NMNAT2: variants seen among roughly 807,000 people sequenced by gnomAD.
NMNAT2 encodes the protein nicotinamide nucleotide adenylyltransferase 2.
NMNAT2 carries 11 observed loss-of-function variants against 41.6 expected under a neutral mutation model. The ratio of observed to expected loss-of-function variants is 0.26; its 90% CI spans 0.17 to 0.44. The LOEUF (loss-of-function observed/expected upper bound fraction) is 0.44. Ranked by LOEUF, NMNAT2 falls within the 20% of genes least tolerant of loss-of-function variation. The pLI is 1.00. For synonymous variants in NMNAT2, 148 were observed against 151.2 expected (o/e 0.98, Z 0.16); for missense variants, 288 against 407.7 (o/e 0.71, Z 2.53).
intron 8 of NMNAT2, among the ~76,000 whole-genome samples, chr1:183,277,450 G>T (rs1281858612): frequency 6.8e-6 from 1 of 147,220 alleles, no homozygotes; most frequent in Admixed American, 6.8e-5. Flanking sequence ...GGAAGGCAGA[G>T]GTTGCAGTGA....
chr1:183,413,877 G>A (rs1191511771), intron 1 of NMNAT2, among the ~76,000 whole-genome samples: 1 of 152,092 alleles, frequency 6.6e-6, no homozygotes, highest in Admixed American at 6.5e-5. Context: ...AAAGTGCTGG[G>A]ATTACAGGCA....
chr1:183,377,668 T>A (rs1309848390), intron 1 of NMNAT2, among the ~76,000 whole-genome samples: 1 of 152,156 alleles, frequency 6.6e-6, no homozygotes, highest in Admixed American at 6.5e-5. Context: ...AATATTCTCC[T>A]CATTATCTAC....
At chr1:183,292,108 C>T (rs1557868682) in intron 3 of NMNAT2, among the ~76,000 whole-genome samples, 1 of 152,254 alleles carries the variant, frequency 6.6e-6, no homozygotes, top group South Asian at 2.1e-4. Context: ...GCACAAATGG[C>T]ATGCCATTAT....
At position 183,249,108 on chromosome 1, in the gene NMNAT2, G is replaced by A. The variant is rs1660305480; in HGVS notation, c.*3533C>T. 6.6e-6 allele frequency: 1 copy of A among 152,160 alleles called. No homozygotes were observed. The highest frequency in any genetic ancestry group is 2.4e-5 in the African/African-American group (1 of 41,436). The allele number at this position is 152,160 out of a possible 1,614,324, so 9.4% of individuals were successfully genotyped here. A position where few individuals can be genotyped will look rare whatever the true frequency, so the allele number is the denominator to read the frequency against. ...TTGAAACTAGAGAACATTGTTGAAA[G>A]GCTGGCCAAGCTGAGACAGGAAGAA... On this transcript the variant is annotated 3_prime_UTR_variant, in exon 11 of 11. Coordinates refer to ENST00000287713, the MANE Select transcript of NMNAT2 (RefSeq NM_015039.4).
At chr1:183,265,411 C>A (rs775103120) in intron 8 of NMNAT2, among the ~76,000 whole-genome samples, 1 of 151,872 alleles carries the variant, frequency 6.6e-6, no homozygotes, top group Non-Finnish European at 1.5e-5. Context: ...GGATTACAGG[C>A]ATGCGCCACC....
chr1:183,367,689 T>C (rs929227934), intron 1 of NMNAT2, among the ~76,000 whole-genome samples: 9 of 152,222 alleles, frequency 5.9e-5, no homozygotes, highest in African/African-American at 2.2e-4. Flanking sequence ...GTAAAAAGAT[T>C]TGGGGCACAA....
intron 8 of NMNAT2, among the ~76,000 whole-genome samples, chr1:183,278,308 A>G (rs1273593954): frequency 6.6e-6 from 1 of 152,178 alleles, no homozygotes; most frequent in Non-Finnish European, 1.5e-5. Flanking sequence ...TTGGTGCTAG[A>G]TACTGTATGA....
Position 183,339,014 on chromosome 1 carries a change from G to A in NMNAT2, c.86-45221C>T, listed in dbSNP as rs569505202. Among the ~76,000 whole-genome samples the A allele has an allele frequency of 5.9e-5, 9 of 152,268 alleles. No individual in the cohort carries two copies. In the South Asian group the frequency reaches 1.7e-3, roughly 28 times the overall value. On this transcript the variant is annotated intron_variant, in intron 1 of 10. Transcript: ENST00000287713. ...CTGATTTCACAGGGTCCTGCCAGGC[G>A]ACCCTGCCCAAGGGCTCCCTTAGGG...
intron 1 of NMNAT2, among the ~76,000 whole-genome samples, chr1:183,320,749 C>T (rs980896846): frequency 1.3e-5 from 2 of 152,220 alleles, no homozygotes; most frequent in Admixed American, 1.3e-4. Context: ...CTAAAGTCAT[C>T]TGTCCTAACC....
At chr1:183,382,632 G>A (rs1224265977) in intron 1 of NMNAT2, among the ~76,000 whole-genome samples, 4 of 152,142 alleles carry the variant, frequency 2.6e-5, no homozygotes, top group African/African-American at 7.2e-5. Context: ...TTCCAAAAAG[G>A]AGAAATCATC....
intron 1 of NMNAT2, among the ~76,000 whole-genome samples, chr1:183,399,761 C>A (rs563508860): frequency 1.3e-5 from 2 of 152,124 alleles, no homozygotes; most frequent in Admixed American, 1.3e-4. Flanking sequence ...GCTCAACATA[C>A]GCAAATCAAT....
At chr1:183,392,097 G>T (rs1429339824) in intron 1 of NMNAT2, among the ~76,000 whole-genome samples, 2 of 151,824 alleles carry the variant, frequency 1.3e-5, no homozygotes, top group East Asian at 3.9e-4. Flanking sequence ...TTTATTTTTG[G>T]CTCAGGCTGA....
Position 183,284,025 on chromosome 1 carries a change from G to C in NMNAT2, c.544C>G (p.Leu182Val). The C allele has an allele frequency of 6.2e-7, 1 of 1,613,272 alleles. No homozygotes were observed. The highest frequency in any genetic ancestry group is 1.3e-5 in the African/African-American group (1 of 75,006). The change falls in exon 7 of 11, where the codon CTG becomes GTG. Residue 182 changes from leucine to valine, a missense_variant. Transcript: ENST00000287713. ...TCTTCATACCGCATCACCGTGCCCA[G>C]ATTGGCATTCTCATCTAAGGAGGAA... ...RFTFVDENAN[L>V]GTVMRYEEIE...
intron 1 of NMNAT2, among the ~76,000 whole-genome samples, chr1:183,334,494 G>A (rs1662644151): frequency 6.6e-6 from 1 of 151,976 alleles, no homozygotes; most frequent in Non-Finnish European, 1.5e-5. Context: ...AAGCAGGTGA[G>A]TTAGGTACAA....
chr1:183,384,365 A>T (rs1663866342), intron 1 of NMNAT2, among the ~76,000 whole-genome samples: 1 of 151,920 alleles, frequency 6.6e-6, no homozygotes, highest in Non-Finnish European at 1.5e-5. Flanking sequence ...ATGCCCAGCT[A>T]ATTTTTGTAT....
intron 1 of NMNAT2, among the ~76,000 whole-genome samples, chr1:183,370,217 A>AAC (rs1169390842): frequency 1.2e-3 from 104 of 89,376 alleles, no homozygotes; most frequent in Middle Eastern, 7.5e-3. Context: ...CACTACTATC[A>AAC]ACACATACAC....
intron 1 of NMNAT2, among the ~76,000 whole-genome samples, chr1:183,343,641 G>C: frequency 6.6e-6 from 1 of 152,160 alleles, no homozygotes; most frequent in Non-Finnish European, 1.5e-5. Flanking sequence ...TTTGAGATAA[G>C]GCACTAGCAC....
chr1:183,321,221 T>C lies in NMNAT2; in HGVS notation c.86-27428A>G, dbSNP rs1369462672. Among the ~76,000 whole-genome samples the C allele has an allele frequency of 3.3e-5, 5 of 152,158 alleles. No individual in the cohort carries two copies. In the East Asian group the frequency reaches 9.6e-4, roughly 29 times the overall value. On this transcript the variant is annotated intron_variant, in intron 1 of 10. Coordinates refer to ENST00000287713, the MANE Select transcript of NMNAT2 (RefSeq NM_015039.4). The stretch of plus-strand genomic sequence containing the variant: ...AATTTCATAAACGTCTTTCCCCACA[T>C]ACAAAAAGGATAAATTCCTCCCTTC...
At position 183,251,300 on chromosome 1, in the gene NMNAT2, CAAG is replaced by C. The variant is rs1368076170; in HGVS notation, c.*1338_*1340del. On this transcript the variant is annotated 3_prime_UTR_variant, in exon 11 of 11. Coordinates refer to ENST00000287713, the MANE Select transcript of NMNAT2 (RefSeq NM_015039.4). ...GAAACAAGACCAAGGCACTGCTTCT[CAAG>C]AAGAAACTGACCTCATGCACTGTCT... 3 of 151,894 alleles carry C rather than the reference CAAG, an allele frequency of 2.0e-5. No homozygotes were observed. Among genetic ancestry groups the C allele is most frequent in the African/African-American group, 7.3e-5 (3 of 41,098 alleles). The allele number at this position is 151,894 out of a possible 1,614,324, so 9.4% of individuals were successfully genotyped here. A position where few individuals can be genotyped will look rare whatever the true frequency, so the allele number is the denominator to read the frequency against.
Sources: allele counts gnomAD v4.1 joint callset (sites outside exome capture counted in the v4.1 genomes callset), GRCh38; gene constraint gnomAD v4.1.1; transcripts MANE v1.5; gene names NCBI Gene and HGNC (gene_info 2026-07-23, HGNC 2026-07-21).